The following KIRREL1 variants were observed in gnomAD, a reference collection of about 807,000 sequenced individuals.
The protein encoded by KIRREL1 is kin of IRRE-like protein 1.
A neutral mutation model predicts 83.3 loss-of-function variants in KIRREL1; 25 were observed. The ratio of observed to expected loss-of-function variants is 0.30; its 90% CI spans 0.22 to 0.42. The LOEUF (loss-of-function observed/expected upper bound fraction) is 0.42. KIRREL1 is among the 10% of genes least tolerant of loss of function. KIRREL1 has a pLI of 1.00. For missense variants in KIRREL1, 812 were observed against 1,032.3 expected, an observed-to-expected ratio of 0.79 and a Z score of 2.92; for synonymous variants, 388 against 410.4, an observed-to-expected ratio of 0.95 and a Z score of 0.66.
At chr1:158,037,217 G>A (rs58860692) in intron 1 of KIRREL1, among the ~76,000 whole-genome samples, 5,171 of 152,230 alleles carry the variant, frequency 0.034, 274 homozygotes, top group African/African-American at 0.11. Flanking sequence ...TCAATCGGCC[G>A]GGCGCCGTGG....
At chr1:158,040,908 T>C (rs1192532685) in intron 1 of KIRREL1, among the ~76,000 whole-genome samples, 2 of 151,990 alleles carry the variant, frequency 1.3e-5, no homozygotes, top group Non-Finnish European at 2.9e-5. Flanking sequence ...AATGGAGGTT[T>C]GTAAGCAGTA....
intron 1 of KIRREL1, among the ~76,000 whole-genome samples, chr1:158,026,883 A>T (rs975375321): frequency 9.2e-5 from 14 of 152,036 alleles, no homozygotes; most frequent in Non-Finnish European, 2.9e-5. Context: ...ACCCCCTACA[A>T]CAGTCAACAC....
At chr1:158,064,712 G>A (rs961023340) in intron 1 of KIRREL1, among the ~76,000 whole-genome samples, 4 of 152,096 alleles carry the variant, frequency 2.6e-5, no homozygotes, top group African/African-American at 4.8e-5. Flanking sequence ...CAGTGATGGG[G>A]TCTGGGGACA....
At chr1:158,006,548 T>C (rs1659524870) in intron 1 of KIRREL1, among the ~76,000 whole-genome samples, 1 of 152,230 alleles carries the variant, frequency 6.6e-6, no homozygotes, top group Admixed American at 6.5e-5. Flanking sequence ...GAAGTTTATC[T>C]TGTTAGGGGT....
chr1:157,997,134 C>G (rs1384731651), intron 1 of KIRREL1, among the ~76,000 whole-genome samples: 1 of 152,182 alleles, frequency 6.6e-6, no homozygotes, highest in Non-Finnish European at 1.5e-5. Context: ...GATGAGCGCG[C>G]TGCAGTGCTG....
intron 4 of KIRREL1, 25 bp from the exon 5 acceptor site, chr1:158,086,571 A>G (rs1030849991): frequency 1.1e-5 from 17 of 1,549,572 alleles, no homozygotes; most frequent in African/African-American, 4.1e-5. Flanking sequence ...GCTTAACCAT[A>G]TCTCCCACCC....
intron 1 of KIRREL1, among the ~76,000 whole-genome samples, chr1:158,001,177 G>A (rs2101621205): frequency 6.6e-6 from 1 of 152,276 alleles, no homozygotes; most frequent in East Asian, 1.9e-4. Context: ...TTCACTGAAA[G>A]ATGTGTGGAA....
chr1:158,090,769 T>C (rs539249689), intron 10 of KIRREL1, among the ~76,000 whole-genome samples: 2 of 152,186 alleles, frequency 1.3e-5, no homozygotes, highest in Non-Finnish European at 2.9e-5. Flanking sequence ...AAGGTACGCC[T>C]AAAGATTGAG....
chr1:158,063,247 A>C (rs966483669), intron 1 of KIRREL1, among the ~76,000 whole-genome samples: 2 of 152,256 alleles, frequency 1.3e-5, no homozygotes, highest in Non-Finnish European at 2.9e-5. Flanking sequence ...GGCTAACATG[A>C]GTCTCAGCCC....
intron 1 of KIRREL1, among the ~76,000 whole-genome samples, chr1:158,070,524 T>G (rs1015165237): frequency 6.6e-5 from 10 of 152,190 alleles, no homozygotes; most frequent in Non-Finnish European, 1.2e-4. Context: ...AAAGCATCTC[T>G]GTTATCCAGG....
Position 158,094,848 on chromosome 1 carries a change from C to T in KIRREL1, c.2002C>T (p.Pro668Ser). ...TGACTATGGCCCTGAGCCCACACCCCCTGGCCCTGCTGCCCCAGCTGGCAC... is the reference window on the plus strand; with the variant it reads ...TGACTATGGCCCTGAGCCCACACCCTCTGGCCCTGCTGCCCCAGCTGGCAC... ...ASDYGPEPTP[P>S]GPAAPAGTDT... Residue 668 changes from proline to serine, a missense_variant, in exon 15 of 15, where the codon CCT becomes TCT. Transcript: ENST00000359209. The surrounding 1 kb of genome is among the most constrained non-coding windows in gnomAD (Gnocchi z 4.6). 1.2e-6 allele frequency: 2 copies of T among 1,614,010 alleles called. No individual in the cohort carries two copies. Among genetic ancestry groups the T allele is most frequent in the South Asian group, 1.1e-5 (1 of 91,034 alleles).
chr1:158,059,052 A>C (rs1295202582), intron 1 of KIRREL1, among the ~76,000 whole-genome samples: 1 of 152,000 alleles, frequency 6.6e-6, no homozygotes, highest in African/African-American at 2.4e-5. Context: ...GCAGTTCCAC[A>C]CCCTACACAG....
At chr1:158,047,337 A>G (rs1331034364) in intron 1 of KIRREL1, among the ~76,000 whole-genome samples, 1 of 152,106 alleles carries the variant, frequency 6.6e-6, no homozygotes, top group Non-Finnish European at 1.5e-5. Context: ...TGATTGTGCC[A>G]TGTGGAAAGT....
intron 11 of KIRREL1, among the ~76,000 whole-genome samples, chr1:158,092,345 C>CTGTTTTT (rs1662222401): frequency 9.0e-6 from 1 of 110,936 alleles, no homozygotes; most frequent in African/African-American, 3.5e-5. Flanking sequence ...TCACTTCAGT[C>CTGTTTTT]TTTTTTTTTT....
At chr1:158,050,457 C>A (rs1212277333) in intron 1 of KIRREL1, among the ~76,000 whole-genome samples, 1 of 151,994 alleles carries the variant, frequency 6.6e-6, no homozygotes, top group Non-Finnish European at 1.5e-5. Context: ...TATTTTCACT[C>A]CCCCCTTTCC....
At chr1:158,035,786 A>G (rs969340744) in intron 1 of KIRREL1, among the ~76,000 whole-genome samples, 2 of 152,206 alleles carry the variant, frequency 1.3e-5, no homozygotes, top group Non-Finnish European at 2.9e-5. Flanking sequence ...CATGTGGTTA[A>G]TAACAGTGAT....
At chr1:158,010,907 G>GA (rs1471965339) in intron 1 of KIRREL1, among the ~76,000 whole-genome samples, 1 of 152,172 alleles carries the variant, frequency 6.6e-6, no homozygotes, top group African/African-American at 2.4e-5. Flanking sequence ...GAGAGAGAGA[G>GA]AAAATAAGCC....
chr1:158,037,761 G>A (rs530993777), intron 1 of KIRREL1, among the ~76,000 whole-genome samples: 1 of 152,270 alleles, frequency 6.6e-6, no homozygotes, highest in East Asian at 1.9e-4. Context: ...GGCTCTTGCA[G>A]CCTCACTTTG....
chr1:158,063,522 G>A (rs1661272568), intron 1 of KIRREL1, among the ~76,000 whole-genome samples: 1 of 152,124 alleles, frequency 6.6e-6, no homozygotes, highest in Admixed American at 6.5e-5. Context: ...GCACTTATTT[G>A]TTAACTAATT....
Sources: gnomAD v4.1 joint callset for allele counts (sites outside exome capture counted in the v4.1 genomes callset) on GRCh38, gnomAD v4.1.1 for gene constraint, Gnocchi (gnomAD v3.1) non-coding constraint, MANE v1.5 for transcripts, NCBI Gene and HGNC (gene_info 2026-07-23, HGNC 2026-07-21) for gene names.